The following NDUFAF6 variants were observed in gnomAD, a reference collection of about 807,000 sequenced individuals.
The protein encoded by NDUFAF6 is NADH:ubiquinone oxidoreductase complex assembly factor 6, also known as NADH dehydrogenase (ubiquinone) complex I, assembly factor 6.
A neutral mutation model predicts 40.8 loss-of-function variants in NDUFAF6; 45 were observed. That is an observed-to-expected ratio of 1.10 (90% CI 0.87 to 1.42). The LOEUF (loss-of-function observed/expected upper bound fraction) is 1.42, where lower values mean the gene tolerates loss of function less well. Among genes scored for constraint, NDUFAF6 ranks in the 40% most tolerant of loss-of-function variants. The pLI is 0.00. For missense variants in NDUFAF6, 435 were observed against 418.5 expected (o/e 1.04, Z -0.34); for synonymous variants, 185 against 155.9 (o/e 1.19, Z -1.39).
chr8:95,034,430 T>C (rs1159422491), intron 2 of NDUFAF6, among the ~76,000 whole-genome samples: 1 of 152,238 alleles, frequency 6.6e-6, no homozygotes, highest in African/African-American at 2.4e-5. Context: ...ATGGCATTTT[T>C]TCCCCCTTCT....
downstream of NDUFAF6, among the ~76,000 whole-genome samples, chr8:95,059,057 A>G (rs917732011): frequency 6.6e-6 from 1 of 152,108 alleles, no homozygotes; most frequent in Admixed American, 6.5e-5. Context: ...ATAATAATTA[A>G]TAATAATATA....
downstream of NDUFAF6, among the ~76,000 whole-genome samples, chr8:95,063,407 T>C (rs557887631): frequency 1.1e-3 from 162 of 152,302 alleles, no homozygotes; most frequent in Admixed American, 2.8e-3. Flanking sequence ...AAGACCAGCC[T>C]GGCCAACACG....
intron 1 of NDUFAF6, among the ~76,000 whole-genome samples, chr8:94,934,180 C>T (rs1436942617): frequency 8.6e-5 from 13 of 150,850 alleles, no homozygotes; most frequent in Non-Finnish European, 7.4e-5. Flanking sequence ...GAAGGATATA[C>T]TCTAGGATGT....
At chr8:94,973,023 G>A (rs1824604557) in intron 1 of NDUFAF6, among the ~76,000 whole-genome samples, 1 of 152,164 alleles carries the variant, frequency 6.6e-6, no homozygotes, top group South Asian at 2.1e-4. Context: ...GCTCCAGTAA[G>A]CTATGATAGC....
chr8:95,113,804 C>A (rs1050544090), intron 4 of NDUFAF6, among the ~76,000 whole-genome samples: 1 of 152,102 alleles, frequency 6.6e-6, no homozygotes, highest in East Asian at 1.9e-4. Flanking sequence ...TGAGGTGGCA[C>A]GACTGCACTC....
At chr8:95,083,568 G>A (rs1025604012) in intron 2 of NDUFAF6, among the ~76,000 whole-genome samples, 11 of 152,130 alleles carry the variant, frequency 7.2e-5, no homozygotes, top group Admixed American at 7.2e-4. Context: ...CTCAGATAAT[G>A]ACTTTAAACG....
intron 1 of NDUFAF6, among the ~76,000 whole-genome samples, chr8:94,980,700 C>T (rs1825372613): frequency 5.6e-5 from 1 of 17,872 alleles, no homozygotes; most frequent in Non-Finnish European, 9.8e-5. Context: ...ATCAGCATGC[C>T]TTGGCCTCCC....
At chr8:94,916,391 T>C (rs1247013860) in intron 1 of NDUFAF6, among the ~76,000 whole-genome samples, 1 of 152,232 alleles carries the variant, frequency 6.6e-6, no homozygotes, top group Non-Finnish European at 1.5e-5. Flanking sequence ...AGGTCAGTGC[T>C]GTGGCTTTAA....
chr8:95,011,353 CA>C (rs1185593730), intron 2 of NDUFAF6, among the ~76,000 whole-genome samples: 1 of 152,180 alleles, frequency 6.6e-6, no homozygotes, highest in Admixed American at 6.5e-5. Flanking sequence ...TCAGCACAAT[CA>C]AAATAATTCT....
At chr8:95,017,804 T>A (rs965054376) in intron 2 of NDUFAF6, among the ~76,000 whole-genome samples, 1 of 152,174 alleles carries the variant, frequency 6.6e-6, no homozygotes, top group Non-Finnish European at 1.5e-5. Context: ...GCCAGTCACC[T>A]CCTAAAAATG....
intron 2 of NDUFAF6, among the ~76,000 whole-genome samples, chr8:95,083,640 T>G (rs527846475): frequency 6.6e-6 from 1 of 152,300 alleles, no homozygotes; most frequent in Admixed American, 6.5e-5. Context: ...TCAAAATATT[T>G]AAAACCTTAT....
chr8:94,912,688 C>T (rs1026684282), intron 1 of NDUFAF6, among the ~76,000 whole-genome samples: 2 of 152,006 alleles, frequency 1.3e-5, no homozygotes, highest in Non-Finnish European at 2.9e-5. Context: ...TGGCGGGCAC[C>T]TGTAGTCCCA....
exon 3 of NDUFAF6, chr8:95,103,447 T>A (rs1359088616): frequency 6.6e-6 from 1 of 152,228 alleles, no homozygotes; most frequent in Non-Finnish European, 1.5e-5. Context: ...CACACCTTTT[T>A]CTTAACCAAA....
chr8:95,109,870 C>T (rs1809947915), intron 4 of NDUFAF6, among the ~76,000 whole-genome samples: 1 of 152,032 alleles, frequency 6.6e-6, no homozygotes, highest in East Asian at 1.9e-4. Context: ...CTGTTTCTGC[C>T]TCTTTGTATG....
intron 1 of NDUFAF6, among the ~76,000 whole-genome samples, chr8:94,958,583 A>G (rs938589586): frequency 8.4e-5 from 10 of 118,438 alleles, no homozygotes; most frequent in African/African-American, 3.0e-4. Context: ...CGCTCAGGCT[A>G]GAGTGCAGTG....
At chr8:95,113,373 C>T (rs367694155) in intron 4 of NDUFAF6, among the ~76,000 whole-genome samples, 89 of 152,264 alleles carry the variant, frequency 5.8e-4, no homozygotes, top group African/African-American at 1.9e-3. Context: ...CAGGTATAAG[C>T]GCTGGGAGGG....
downstream of NDUFAF6, among the ~76,000 whole-genome samples, chr8:95,076,671 C>A (rs1370836413): frequency 6.6e-6 from 1 of 151,952 alleles, no homozygotes; most frequent in Non-Finnish European, 1.5e-5. Flanking sequence ...GTCGGGAGTT[C>A]GAGACCAGAC....
chr8:95,092,746 G>A (rs891623386), intron 2 of NDUFAF6, among the ~76,000 whole-genome samples: 4 of 151,872 alleles, frequency 2.6e-5, no homozygotes, highest in East Asian at 1.9e-4. Flanking sequence ...CACCACGCCC[G>A]GCTAATTTTT....
intron 1 of NDUFAF6, among the ~76,000 whole-genome samples, chr8:94,902,129 A>G (rs1043867353): frequency 6.6e-6 from 1 of 152,126 alleles, no homozygotes; most frequent in Non-Finnish European, 1.5e-5. Context: ...TTCAATATGA[A>G]AGGTATAGCC....
Sources: allele counts gnomAD v4.1 joint callset (sites outside exome capture counted in the v4.1 genomes callset), GRCh38; gene constraint gnomAD v4.1.1; transcripts MANE v1.5; gene names NCBI Gene and HGNC (gene_info 2026-07-23, HGNC 2026-07-21).